Variants in YAP1 observed in about 807,000 individuals in gnomAD.
YAP1 encodes the protein Yes1 associated transcriptional regulator.
A neutral mutation model predicts 56.9 loss-of-function variants in YAP1; 5 were observed. The observed-to-expected ratio is 0.09, with a 90% CI of 0.05 to 0.18. The LOEUF (loss-of-function observed/expected upper bound fraction) is 0.18. YAP1 is among the 10% of genes least tolerant of loss of function. YAP1 has a pLI of 1.00. For synonymous variants in YAP1, 265 were observed against 248.1 expected, an observed-to-expected ratio of 1.07 and a Z score of -0.64; for missense variants, 539 against 651.8, an observed-to-expected ratio of 0.83 and a Z score of 1.88.
At chr11:102,141,876 T>C (rs1024468970) in intron 2 of YAP1, among the ~76,000 whole-genome samples, 2 of 152,220 alleles carry the variant, frequency 1.3e-5, no homozygotes, top group Admixed American at 6.5e-5. Flanking sequence ...CCAGCTGATT[T>C]ACTGACTGAA....
chr11:102,227,258 A>G (rs1308531378), intron 7 of YAP1, among the ~76,000 whole-genome samples: 1 of 152,230 alleles, frequency 6.6e-6, no homozygotes, highest in Non-Finnish European at 1.5e-5. Context: ...TAGAGCTGCC[A>G]GCTTCAATTA....
chr11:102,226,524 C>T (rs777060776), intron 7 of YAP1, among the ~76,000 whole-genome samples: 2 of 152,202 alleles, frequency 1.3e-5, no homozygotes, highest in Non-Finnish European at 2.9e-5. Context: ...TGAAGAATAA[C>T]AGCTGCCTTG....
At chr11:102,119,132 C>T (rs1303640070) in intron 2 of YAP1, among the ~76,000 whole-genome samples, 2 of 151,658 alleles carry the variant, frequency 1.3e-5, no homozygotes, top group African/African-American at 4.8e-5. Flanking sequence ...ACGCCCTTAG[C>T]TCTGGGGGGT....
intron 4 of YAP1, among the ~76,000 whole-genome samples, chr11:102,196,142 A>C (rs1948560043): frequency 1.3e-5 from 2 of 152,216 alleles, no homozygotes; most frequent in African/African-American, 4.8e-5. Flanking sequence ...GTTCCTCAAA[A>C]CATTAACCAT....
In YAP1 at chr11:102,132,037, GA is replaced by G. The variant is rs775847183; in HGVS notation, c.572+17645del. On this transcript the variant is annotated intron_variant, in intron 2 of 8. Coordinates refer to ENST00000282441, the MANE Select transcript of YAP1 (RefSeq NM_001130145.3). ...GGAGGCTGAGGCAGGAGAATCGCTTGAATTTAGGAGGTGGAGGTTGCAGTGA... is the reference window on the plus strand; with the variant it reads ...GGAGGCTGAGGCAGGAGAATCGCTTGATTTAGGAGGTGGAGGTTGCAGTGA... 8.5e-5 allele frequency among the ~76,000 whole-genome samples: 13 copies of G among 152,238 alleles called. No individual in the cohort carries two copies. In the South Asian group the frequency reaches 2.3e-3, roughly 27 times the overall value.
intron 3 of YAP1, among the ~76,000 whole-genome samples, chr11:102,169,306 C>T (rs762320888): frequency 6.6e-6 from 1 of 152,114 alleles, no homozygotes; most frequent in African/African-American, 2.4e-5. Context: ...TTTGTAATAC[C>T]TGGTAGCCAC....
At chr11:102,171,790 C>T (rs1946915010) in intron 3 of YAP1, among the ~76,000 whole-genome samples, 2 of 152,096 alleles carry the variant, frequency 1.3e-5, no homozygotes, top group Admixed American at 6.5e-5. Context: ...AGTATTTTTC[C>T]CTTCTTAAAT....
intron 4 of YAP1, among the ~76,000 whole-genome samples, chr11:102,190,092 A>T (rs988168808): frequency 6.6e-6 from 1 of 152,232 alleles, no homozygotes; most frequent in African/African-American, 2.4e-5. Flanking sequence ...AGCAAAGAGA[A>T]TGTCAGCATC....
At chr11:102,192,605 C>G (rs946587528) in intron 4 of YAP1, among the ~76,000 whole-genome samples, 2 of 152,210 alleles carry the variant, frequency 1.3e-5, no homozygotes, top group Non-Finnish European at 2.9e-5. Flanking sequence ...AGATACCTAA[C>G]TTCTCTTGAC....
chr11:102,118,698 T>C (rs1591117425), intron 2 of YAP1, among the ~76,000 whole-genome samples: 1 of 150,502 alleles, frequency 6.6e-6, no homozygotes, highest in South Asian at 2.1e-4. Flanking sequence ...CTGCAGTGAG[T>C]TGAGATTGCA....
intron 2 of YAP1, among the ~76,000 whole-genome samples, chr11:102,144,891 TGC>T (rs1178329337): frequency 8.7e-5 from 13 of 150,064 alleles, no homozygotes; most frequent in African/African-American, 2.9e-4. Flanking sequence ...CACACACTCA[TGC>T]TCACACACTC....
At chr11:102,115,771 AAG>A (rs1943244275) in intron 2 of YAP1, among the ~76,000 whole-genome samples, 1 of 152,222 alleles carries the variant, frequency 6.6e-6, no homozygotes, top group African/African-American at 2.4e-5. Flanking sequence ...AAATGATTGA[AAG>A]AGCTGCTAGC....
chr11:102,129,197 T>C (rs1308442274), intron 2 of YAP1, among the ~76,000 whole-genome samples: 1 of 152,336 alleles, frequency 6.6e-6, no homozygotes, highest in East Asian at 1.9e-4. Context: ...AAAAGTAGCC[T>C]GTGTTCAGTC....
chr11:102,155,215 A>T (rs1945872682), intron 2 of YAP1, among the ~76,000 whole-genome samples: 1 of 152,204 alleles, frequency 6.6e-6, no homozygotes, highest in Non-Finnish European at 1.5e-5. Flanking sequence ...CCTAAATAAC[A>T]TTTCCTAAAA....
At chr11:102,114,479 A>G in intron 2 of YAP1, 85 bp downstream of exon 2, 1 of 1,443,736 alleles carries the variant, frequency 6.9e-7, no homozygotes, top group Non-Finnish European at 9.3e-7. Flanking sequence ...GATACAGAAT[A>G]TCATTTATTT....
intron 2 of YAP1, among the ~76,000 whole-genome samples, chr11:102,136,425 C>T (rs1369478323): frequency 6.6e-6 from 1 of 151,922 alleles, no homozygotes; most frequent in Non-Finnish European, 1.5e-5. Flanking sequence ...ACTGCAACCT[C>T]CATCTCCCAG....
At chr11:102,115,564 G>T (rs371538963) in intron 2 of YAP1, among the ~76,000 whole-genome samples, 1 of 145,826 alleles carries the variant, frequency 6.9e-6, no homozygotes, top group African/African-American at 2.5e-5. Flanking sequence ...GTTTTTTTTT[G>T]CCCCCTTTCC....
intron 3 of YAP1, among the ~76,000 whole-genome samples, chr11:102,164,060 C>T (rs139392342): frequency 0.024 from 3,497 of 146,696 alleles, 142 homozygotes; most frequent in African/African-American, 0.081. Flanking sequence ...TTTATTGAGA[C>T]GGAGTCTCAC....
chr11:102,229,453 T>C (rs1950359322), intron 8 of YAP1, among the ~76,000 whole-genome samples: 1 of 152,164 alleles, frequency 6.6e-6, no homozygotes, highest in Non-Finnish European at 1.5e-5. Flanking sequence ...TTTTCATGAC[T>C]CCTTTAGTGC....
Sources: allele counts gnomAD v4.1 joint callset (sites outside exome capture counted in the v4.1 genomes callset), GRCh38; gene constraint gnomAD v4.1.1; transcripts MANE v1.5; gene names NCBI Gene and HGNC (gene_info 2026-07-23, HGNC 2026-07-21).